Variants in SERGEF observed in about 807,000 individuals in gnomAD.
SERGEF encodes the protein secretion regulating guanine nucleotide exchange factor, also known as secretion-regulating guanine nucleotide exchange factor.
A neutral mutation model predicts 50.0 loss-of-function variants in SERGEF; 51 were observed. The ratio of observed to expected loss-of-function variants is 1.02; its 90% CI spans 0.81 to 1.29. The LOEUF is 1.29. Among genes scored for constraint, SERGEF ranks in the 50% most tolerant of loss-of-function variants. SERGEF has a pLI of 0.00. For synonymous variants in SERGEF, 205 were observed against 212.4 expected (o/e 0.97, Z 0.30); for missense variants, 521 against 557.0 (o/e 0.94, Z 0.65).
At chr11:17,826,371 G>A (rs544810026) in intron 10 of SERGEF, among the ~76,000 whole-genome samples, 63 of 152,138 alleles carry the variant, frequency 4.1e-4, no homozygotes, top group Non-Finnish European at 6.8e-4. Flanking sequence ...AAAGTTTGCC[G>A]CAACTGGTAT....
At chr11:17,896,569 GGGGAAGGGAA>G (rs1345146754) in intron 9 of SERGEF, among the ~76,000 whole-genome samples, 2 of 49,054 alleles carry the variant, frequency 4.1e-5, no homozygotes, top group Non-Finnish European at 7.4e-5. Flanking sequence ...GGGAAGGGAA[GGGGAAGGGAA>G]GGGAAGGGGA....
At position 17,903,014 on chromosome 11, in the gene SERGEF, C is replaced by T. The variant is rs534738386; in HGVS notation, c.1012-24770G>A. ...TTCCAAATTAAGAGTTGGCTTTCCTCGGAAGGATAAAATCTGCCATTAGGA... is the reference window on the plus strand; with the variant it reads ...TTCCAAATTAAGAGTTGGCTTTCCTTGGAAGGATAAAATCTGCCATTAGGA... On this transcript the variant is annotated intron_variant, in intron 9 of 10. Transcript: ENST00000265965. 1.3e-4 allele frequency among the ~76,000 whole-genome samples: 20 copies of T among 152,280 alleles called. No homozygotes were observed. The East Asian group carries it at 2.3e-3, about 18-fold the overall frequency.
At position 17,788,069 on chromosome 11, in the gene SERGEF, T is replaced by C. The variant is rs1286311704; in HGVS notation, c.*16A>G. 1.3e-6 allele frequency: 2 copies of C among 1,502,680 alleles called. No homozygotes were observed. Among genetic ancestry groups the C allele is most frequent in the Non-Finnish European group, 1.8e-6 (2 of 1,123,152 alleles). The allele number at this position is 1,502,680 out of a possible 1,614,324, so 93.1% of individuals were successfully genotyped here. On this transcript the variant is annotated 3_prime_UTR_variant, in exon 11 of 11. Transcript: ENST00000265965. ...AGGCTTTTGGTGGGAAAAGCCACTT[T>C]ATTAAAGATTCTCTATCACAGTCCC...
intron 9 of SERGEF, among the ~76,000 whole-genome samples, chr11:17,916,051 C>CT (rs1299953769): frequency 3.3e-5 from 5 of 151,532 alleles, no homozygotes; most frequent in East Asian, 1.9e-4. Context: ...CAAGTAAAAC[C>CT]TTTTTTTTTC....
intron 10 of SERGEF, among the ~76,000 whole-genome samples, chr11:17,865,405 T>G (rs1851002741): frequency 6.6e-6 from 1 of 152,152 alleles, no homozygotes; most frequent in Non-Finnish European, 1.5e-5. Flanking sequence ...TTTTTTAAGT[T>G]AACTGTAAAA....
chr11:17,995,673 TAGAG>T (rs1853822359), intron 6 of SERGEF, 119 bp downstream of exon 6: 1 of 673,002 alleles, frequency 1.5e-6, no homozygotes. Flanking sequence ...GACCAACTAA[TAGAG>T]AAAGTTAGAG....
intron 4 of SERGEF, chr11:18,000,928 C>A: frequency 2.4e-6 from 1 of 409,154 alleles, no homozygotes; most frequent in Non-Finnish European, 4.7e-6. Flanking sequence ...CAGCTCTAGA[C>A]TATACATAAA....
At chr11:17,867,565 T>C (rs1262348347) in intron 10 of SERGEF, among the ~76,000 whole-genome samples, 2 of 152,204 alleles carry the variant, frequency 1.3e-5, no homozygotes, top group African/African-American at 4.8e-5. Context: ...GGATCTACCA[T>C]TCTGGGGCCT....
intron 8 of SERGEF, among the ~76,000 whole-genome samples, chr11:17,971,580 C>T (rs1021191939): frequency 6.6e-6 from 1 of 152,208 alleles, no homozygotes; most frequent in Admixed American, 6.5e-5. Context: ...AGACCTACTG[C>T]TCAGAAAGGA....
intron 9 of SERGEF, among the ~76,000 whole-genome samples, chr11:17,889,075 T>C (rs1851485995): frequency 6.6e-6 from 1 of 152,208 alleles, no homozygotes; most frequent in Admixed American, 6.5e-5. Flanking sequence ...CTCTTTCTTA[T>C]AGTAGGATGC....
chr11:17,926,277 G>C (rs1050756519), intron 9 of SERGEF, among the ~76,000 whole-genome samples: 3 of 152,114 alleles, frequency 2.0e-5, no homozygotes, highest in Admixed American at 6.6e-5. Context: ...AAATGATGAT[G>C]GGGAGAGGAG....
Position 17,809,688 on chromosome 11 carries a change from G to C in SERGEF, c.1049-21275C>G, listed in dbSNP as rs1849831724. Among the ~76,000 whole-genome samples, 2 of 152,274 alleles carry C rather than the reference G, an allele frequency of 1.3e-5. 1 individual carries two copies. Among genetic ancestry groups the C allele is most frequent in the Middle Eastern group, 6.8e-3 (2 of 294 alleles). ...CAGAAGAGGGCAGGACGGAGAGAAA[G>C]CAAAGAGGTGGGACCAAGAGGACTT... On this transcript the variant is annotated intron_variant, in intron 10 of 10. Transcript: ENST00000265965.
intron 4 of SERGEF, among the ~76,000 whole-genome samples, chr11:18,002,263 G>A (rs1853978636): frequency 6.6e-6 from 1 of 152,062 alleles, no homozygotes; most frequent in Non-Finnish European, 1.5e-5. Context: ...TTTAGTTTGA[G>A]CCACAATTGT....
At position 17,961,100 on chromosome 11, in the gene SERGEF, T is replaced by G. The variant is rs373042694; in HGVS notation, c.845-1464A>C. ...CCCTCCTGTGAGCCACCTTTATCAT[T>G]GTACTCATCCACTACTATGCCGCCA... On this transcript the variant is annotated intron_variant, in intron 8 of 10. Coordinates refer to ENST00000265965, the MANE Select transcript of SERGEF (RefSeq NM_012139.4). 6.6e-4 allele frequency among the ~76,000 whole-genome samples: 100 copies of G among 152,296 alleles called. 1 individual carries two copies. The Middle Eastern group carries it at 0.017, about 26-fold the overall frequency.
At chr11:17,812,666 T>A (rs1849897241) in intron 10 of SERGEF, among the ~76,000 whole-genome samples, 1 of 152,208 alleles carries the variant, frequency 6.6e-6, no homozygotes, top group South Asian at 2.1e-4. Context: ...CCAGGATGAC[T>A]TAATTGTACC....
intron 9 of SERGEF, among the ~76,000 whole-genome samples, chr11:17,938,461 G>A (rs1267264451): frequency 1.3e-5 from 2 of 152,144 alleles, no homozygotes; most frequent in African/African-American, 4.8e-5. Context: ...GCTAGGTTTA[G>A]AACCCAAGTG....
intron 8 of SERGEF, among the ~76,000 whole-genome samples, chr11:17,979,280 A>G (rs1853443781): frequency 6.6e-6 from 1 of 152,244 alleles, no homozygotes. Flanking sequence ...CTCAAGAAAT[A>G]GTAAGGCATG....
chr11:17,938,536 T>C (rs1852499101), intron 9 of SERGEF, among the ~76,000 whole-genome samples: 1 of 152,204 alleles, frequency 6.6e-6, no homozygotes, highest in African/African-American at 2.4e-5. Flanking sequence ...CCTAGACCCC[T>C]GATATTAGGA....
intron 10 of SERGEF, among the ~76,000 whole-genome samples, chr11:17,834,685 T>G (rs1188994508): frequency 6.6e-6 from 1 of 152,222 alleles, no homozygotes; most frequent in Non-Finnish European, 1.5e-5. Flanking sequence ...CCTGAAGTTT[T>G]TTGCTTCCTC....
Sources: gnomAD v4.1 joint callset for allele counts (sites outside exome capture counted in the v4.1 genomes callset) on GRCh38, gnomAD v4.1.1 for gene constraint, MANE v1.5 for transcripts, NCBI Gene and HGNC (gene_info 2026-07-23, HGNC 2026-07-21) for gene names.